Variants in PTPRN2 observed in about 807,000 individuals in gnomAD.
PTPRN2 encodes the protein receptor-type tyrosine-protein phosphatase N2.
Under a neutral mutation model 118.8 loss-of-function variants are expected in PTPRN2, and 74 were observed. That is an observed-to-expected ratio of 0.62 (90% CI 0.52 to 0.76). The LOEUF (loss-of-function observed/expected upper bound fraction) is 0.76, where lower values mean the gene tolerates loss of function less well. Among genes scored for constraint, PTPRN2 ranks in the 30% least tolerant of loss-of-function variants. PTPRN2 has a pLI of 0.00. For synonymous variants in PTPRN2, 641 were observed against 608.0 expected, an observed-to-expected ratio of 1.05 and a Z score of -0.80; for missense variants, 1,481 against 1,394.4, an observed-to-expected ratio of 1.06 and a Z score of -0.99.
chr7:158,083,542 G>A (rs1813008226), intron 10 of PTPRN2, among the ~76,000 whole-genome samples: 1 of 152,184 alleles, frequency 6.6e-6, no homozygotes, highest in African/African-American at 2.4e-5. Flanking sequence ...TGGTTCCTCA[G>A]AGTCCAAAGA....
chr7:157,808,824 T>C lies in PTPRN2; in HGVS notation c.1788+89849A>G, dbSNP rs952636856. On this transcript the variant is annotated intron_variant, in intron 12 of 22. Coordinates refer to ENST00000389418, the MANE Select transcript of PTPRN2 (RefSeq NM_002847.5). The surrounding 1 kb of genome is among the most constrained non-coding windows in gnomAD (Gnocchi z 5.0). ...AACCCTGGGCCTGGAATTGACCTTG[T>C]TGAAAACACTCTTTTGGATTAAGCA... is the stretch of plus-strand genomic sequence containing the variant. Among the ~76,000 whole-genome samples the C allele has an allele frequency of 6.6e-6, 1 of 152,160 alleles. No homozygotes were observed. Among genetic ancestry groups the C allele is most frequent in the Non-Finnish European group, 1.5e-5 (1 of 68,042 alleles).
intron 3 of PTPRN2, among the ~76,000 whole-genome samples, chr7:158,261,053 A>C (rs1055219735): frequency 2.0e-5 from 3 of 152,178 alleles, no homozygotes; most frequent in African/African-American, 7.2e-5. Flanking sequence ...CTGCACTGTG[A>C]TGGGACCTGG....
At chr7:158,374,210 G>A (rs1267604968) in intron 2 of PTPRN2, among the ~76,000 whole-genome samples, 1 of 152,178 alleles carries the variant, frequency 6.6e-6, no homozygotes, top group Non-Finnish European at 1.5e-5. Flanking sequence ...CAGTGAAGGG[G>A]AAGAGCTGGG....
At chr7:158,008,771 G>A (rs980485117) in intron 11 of PTPRN2, among the ~76,000 whole-genome samples, 4 of 152,110 alleles carry the variant, frequency 2.6e-5, no homozygotes, top group Non-Finnish European at 4.4e-5. Context: ...TAGTATCACC[G>A]TTTTCTTTCT....
intron 2 of PTPRN2, among the ~76,000 whole-genome samples, chr7:158,330,825 C>G (rs1586296461): frequency 9.7e-6 from 1 of 103,286 alleles, no homozygotes; most frequent in African/African-American, 3.3e-5. Context: ...CACCCGCAGA[C>G]GTCACTCACA....
At chr7:157,915,454 T>G (rs1008559166) in intron 11 of PTPRN2, among the ~76,000 whole-genome samples, 1 of 79,786 alleles carries the variant, frequency 1.3e-5, no homozygotes, top group African/African-American at 4.4e-5. Flanking sequence ...ACCCCCGCCT[T>G]CCCCGCCACA....
At chr7:157,599,875 ACCTCTC>A in intron 16 of PTPRN2, among the ~76,000 whole-genome samples, 1 of 139,626 alleles carries the variant, frequency 7.2e-6, no homozygotes, top group South Asian at 2.4e-4. Flanking sequence ...CCACCTGCCC[ACCTCTC>A]CACCTGCCCA....
In PTPRN2 at chr7:157,895,641, G is replaced by A. The variant is rs1480322968; in HGVS notation, c.1788+3032C>T. ...CAGATTAGACAGAGGAGGAAGGAAC[G>A]TGGGAGACAATTTCAGGAAATAATC... On this transcript the variant is annotated intron_variant, in intron 12 of 22. Transcript: ENST00000389418. Among the ~76,000 whole-genome samples, 4 of 151,936 alleles carry A rather than the reference G, an allele frequency of 2.6e-5. No homozygotes were observed. The South Asian group carries it at 6.2e-4, about 24-fold the overall frequency.
At chr7:158,068,652 A>G (rs536327278) in intron 11 of PTPRN2, among the ~76,000 whole-genome samples, 1 of 152,346 alleles carries the variant, frequency 6.6e-6, no homozygotes, top group South Asian at 2.1e-4. Flanking sequence ...CATTCTAAAC[A>G]GAAATGCAGA....
At chr7:157,541,512 C>G (rs1046037428) in intron 22 of PTPRN2, among the ~76,000 whole-genome samples, 1 of 152,254 alleles carries the variant, frequency 6.6e-6, no homozygotes, top group Non-Finnish European at 1.5e-5. Flanking sequence ...GGCTTAGCGC[C>G]GGAGAGCGTA....
At chr7:158,463,634 C>T (rs1733154) in intron 2 of PTPRN2, among the ~76,000 whole-genome samples, 3,285 of 21,810 alleles carry the variant, frequency 0.15, 55 homozygotes, top group Admixed American at 0.35. Flanking sequence ...TCATCAACAC[C>T]ATCATCATCA....
chr7:157,666,711 C>T (rs1008951567), intron 13 of PTPRN2, among the ~76,000 whole-genome samples: 1 of 152,240 alleles, frequency 6.6e-6, no homozygotes, highest in African/African-American at 2.4e-5. Flanking sequence ...GGGATGAAGG[C>T]AGAGCAGCTC....
intron 2 of PTPRN2, among the ~76,000 whole-genome samples, chr7:158,333,771 ATCAC>A (rs1804989148): frequency 8.2e-6 from 1 of 121,338 alleles, no homozygotes; most frequent in Non-Finnish European, 1.8e-5. Context: ...ACCCGCAGAC[ATCAC>A]TCACACACAC....
rs1473927805 is a variant in PTPRN2, at chr7:157,763,232, C to G, written c.1789-80295G>C. ...GGAGAGGGAGATGCCCTGAGGTGTC[C>G]AGTCCAACTCAAATTTCCAGCCACA... is the stretch of plus-strand genomic sequence containing the variant. On this transcript the variant is annotated intron_variant, in intron 12 of 22. Coordinates refer to ENST00000389418, the MANE Select transcript of PTPRN2 (RefSeq NM_002847.5). The surrounding 1 kb of genome is among the most constrained non-coding windows in gnomAD (Gnocchi z 4.9). 5.9e-5 allele frequency among the ~76,000 whole-genome samples: 9 copies of G among 152,248 alleles called. No homozygotes were observed. The highest frequency in any genetic ancestry group is 2.2e-4 in the African/African-American group (9 of 41,460).
At chr7:158,469,151 A>G (rs1819658342) in intron 2 of PTPRN2, among the ~76,000 whole-genome samples, 1 of 152,192 alleles carries the variant, frequency 6.6e-6, no homozygotes, top group African/African-American at 2.4e-5. Flanking sequence ...AAAGGAAAAC[A>G]CTGTTTTTGG....
chr7:158,011,311 G>C (rs748885712), intron 11 of PTPRN2, among the ~76,000 whole-genome samples: 3 of 152,238 alleles, frequency 2.0e-5, no homozygotes, highest in Non-Finnish European at 2.9e-5. Context: ...CCCGGTGATT[G>C]TTAAAAGTTG....
intron 11 of PTPRN2, among the ~76,000 whole-genome samples, chr7:157,949,981 G>A (rs895917526): frequency 3.3e-5 from 5 of 152,158 alleles, no homozygotes; most frequent in African/African-American, 4.8e-5. Context: ...AAGTTATAAA[G>A]GTTGTACTTG....
chr7:158,326,805 TCACACATG>T (rs1803595236), intron 2 of PTPRN2, among the ~76,000 whole-genome samples: 1 of 137,514 alleles, frequency 7.3e-6, no homozygotes, highest in South Asian at 2.5e-4. Context: ...ATGCACATTC[TCACACATG>T]CACACATCCT....
chr7:158,409,636 G>C (rs551287696), intron 2 of PTPRN2, among the ~76,000 whole-genome samples: 8 of 152,282 alleles, frequency 5.3e-5, no homozygotes, highest in African/African-American at 1.4e-4. Flanking sequence ...TGAACCAAAG[G>C]GTGGCTGTGA....
Sources: allele counts gnomAD v4.1 joint callset (sites outside exome capture counted in the v4.1 genomes callset), GRCh38; gene constraint gnomAD v4.1.1; non-coding constraint Gnocchi (gnomAD v3.1); transcripts MANE v1.5; gene names NCBI Gene and HGNC (gene_info 2026-07-23, HGNC 2026-07-21).